Variants in CMIP observed in about 807,000 individuals in gnomAD.
CMIP encodes the protein C-Maf-inducing protein.
Under a neutral mutation model 97.3 loss-of-function variants are expected in CMIP, and 13 were observed. The ratio of observed to expected loss-of-function variants is 0.13; its 90% CI spans 0.09 to 0.21. The LOEUF (loss-of-function observed/expected upper bound fraction) is 0.21, where lower values mean the gene tolerates loss of function less well. Ranked by LOEUF, CMIP falls within the 10% of genes least tolerant of loss-of-function variation. The pLI, the probability that CMIP is intolerant of heterozygous loss-of-function variation, is 1.00. For missense variants in CMIP, 847 were observed against 1,024.9 expected, an observed-to-expected ratio of 0.83 and a Z score of 2.37; for synonymous variants, 538 against 436.3, an observed-to-expected ratio of 1.23 and a Z score of -2.91.
intron 10 of CMIP, among the ~76,000 whole-genome samples, chr16:81,679,760 TCCTTGACCCCTAAGGGTCTCTCCAG>T (rs1452879701): frequency 1.3e-5 from 2 of 152,032 alleles, no homozygotes; most frequent in African/African-American, 4.8e-5. Context: ...CAGTTCTTAA[TCCTTGACCCCTAAGGGTCTCTCCAG>T]CCTTGCCATC....
intron 1 of CMIP, among the ~76,000 whole-genome samples, chr16:81,538,130 A>C (rs950292512): frequency 2.0e-5 from 3 of 152,160 alleles, no homozygotes; most frequent in Non-Finnish European, 4.4e-5. Context: ...CCATTCTTAG[A>C]TGGGGGAACT....
intron 1 of CMIP, among the ~76,000 whole-genome samples, chr16:81,571,693 C>T (rs2091092741): frequency 6.6e-6 from 1 of 152,134 alleles, no homozygotes. Context: ...CAAGCGGTCC[C>T]TTCCTTGGTG....
chr16:81,533,150 A>T (rs559104145), intron 1 of CMIP, among the ~76,000 whole-genome samples: 18 of 152,240 alleles, frequency 1.2e-4, no homozygotes, highest in African/African-American at 4.3e-4. Context: ...TCTCCTGAGC[A>T]TATGTTATCA....
chr16:81,690,012 G>C (rs1402770623), intron 10 of CMIP, among the ~76,000 whole-genome samples: 21 of 152,144 alleles, frequency 1.4e-4, no homozygotes, highest in Non-Finnish European at 2.9e-4. Flanking sequence ...CCATTGGTCT[G>C]TATCTCTGTT....
chr16:81,693,395 G>A lies in CMIP; in HGVS notation c.1482-44G>A, dbSNP rs1284869800. The A allele has an allele frequency of 2.5e-6, 4 of 1,596,696 alleles. No individual in the cohort carries two copies. The East Asian group carries it at 9.0e-5, about 36-fold the overall frequency. On this transcript the variant is annotated intron_variant, in intron 12 of 20. Transcript: ENST00000537098. ...CTCCCCTTCCCACACCTCCCACTCA[G>A]TTCCAGACCCCGGCAGTAACTCCGG...
intron 1 of CMIP, among the ~76,000 whole-genome samples, chr16:81,537,663 C>A (rs957373435): frequency 6.6e-6 from 1 of 151,416 alleles, no homozygotes; most frequent in Non-Finnish European, 1.5e-5. Flanking sequence ...GCCAGGAGTT[C>A]GAGACCAGCC....
At chr16:81,667,871 T>G (rs1282897021) in intron 7 of CMIP, among the ~76,000 whole-genome samples, 1 of 151,392 alleles carries the variant, frequency 6.6e-6, no homozygotes, top group East Asian at 1.9e-4. Flanking sequence ...TGCATTTTTC[T>G]GAACTTGCTC....
chr16:81,662,152 C>G (rs1251128615), intron 6 of CMIP, among the ~76,000 whole-genome samples: 2 of 152,036 alleles, frequency 1.3e-5, no homozygotes, highest in Non-Finnish European at 2.9e-5. Context: ...AGCTGCTCCT[C>G]TGCCTGTCAC....
rs537617971 is a variant in CMIP, at chr16:81,613,243, C to T, written c.426+5551C>T. ...TCTCCTGCGTGCCACATCCTTCCTC[C>T]TCCTGCTTCATCAGTAGGGCAGCTA... On this transcript the variant is annotated intron_variant, in intron 2 of 20. Coordinates refer to ENST00000537098, the MANE Select transcript of CMIP (RefSeq NM_198390.3). Among the ~76,000 whole-genome samples, 2 of 152,198 alleles carry T rather than the reference C, an allele frequency of 1.3e-5. 1 individual carries two copies. Among genetic ancestry groups the T allele is most frequent in the Non-Finnish European group, 2.9e-5 (2 of 68,036 alleles).
chr16:81,560,464 C>T (rs1056892033), intron 1 of CMIP, among the ~76,000 whole-genome samples: 10 of 152,092 alleles, frequency 6.6e-5, no homozygotes, highest in South Asian at 4.1e-4. Flanking sequence ...GTGATCCGCC[C>T]GCCTCGGCCT....
intron 5 of CMIP, among the ~76,000 whole-genome samples, chr16:81,660,281 T>G (rs2092530290): frequency 6.8e-6 from 1 of 148,134 alleles, no homozygotes; most frequent in Admixed American, 6.7e-5. Context: ...TCTTTTTTCT[T>G]TTTTTTTTTT....
intron 1 of CMIP, chr16:81,495,551 C>T (rs183048278): frequency 6.7e-5 from 106 of 1,581,810 alleles, no homozygotes; most frequent in East Asian, 5.0e-4. Context: ...CCTAAAACCT[C>T]GCCTGCTGCT....
chr16:81,538,375 A>G (rs961570608), intron 1 of CMIP, among the ~76,000 whole-genome samples: 1 of 152,198 alleles, frequency 6.6e-6, no homozygotes, highest in Non-Finnish European at 1.5e-5. Context: ...ATTTCACTCT[A>G]AGGGGTTGTT....
At chr16:81,456,175 G>C (rs1906532288) in intron 1 of CMIP, among the ~76,000 whole-genome samples, 2 of 152,224 alleles carry the variant, frequency 1.3e-5, no homozygotes, top group African/African-American at 4.8e-5. Flanking sequence ...AGCTCGGGGA[G>C]TCCCAGCAGG....
chr16:81,577,323 A>G lies in CMIP; in HGVS notation c.301-30244A>G, dbSNP rs568027308. Among the ~76,000 whole-genome samples the G allele has an allele frequency of 1.8e-3, 265 of 143,880 alleles. 1 individual carries two copies. The highest frequency in any genetic ancestry group is 2.3e-3 in the Non-Finnish European group (154 of 66,728). 94.4% of individuals were successfully genotyped at this position (143,880 alleles called of 152,430 possible). On this transcript the variant is annotated intron_variant, in intron 1 of 20. Transcript: ENST00000537098. Reference sequence around the variant, plus strand: ...CCATCATCCCCATTACCACTACATTATTATCACTATCACCATCACCATCAT... The same window carrying G: ...CCATCATCCCCATTACCACTACATTGTTATCACTATCACCATCACCATCAT...
At chr16:81,661,028 A>G in intron 6 of CMIP, 82 bp downstream of exon 6, 1 of 1,563,704 alleles carries the variant, frequency 6.4e-7, no homozygotes, top group Non-Finnish European at 8.8e-7. Flanking sequence ...TTTGCACAGA[A>G]AGGCCAAAAA....
intron 10 of CMIP, among the ~76,000 whole-genome samples, chr16:81,687,231 G>A (rs978085933): frequency 7.2e-5 from 11 of 152,308 alleles, no homozygotes; most frequent in African/African-American, 2.2e-4. Context: ...CACCCAGCCC[G>A]GGGCCCAGCA....
In CMIP at chr16:81,445,560, C is replaced by T; in HGVS notation, c.300+19C>T. The T allele has an allele frequency of 2.6e-6, 4 of 1,529,316 alleles. No homozygotes were observed. The highest frequency in any genetic ancestry group is 3.5e-6 in the Non-Finnish European group (4 of 1,139,432). The allele number at this position is 1,529,316 out of a possible 1,614,324, so 94.7% of individuals were successfully genotyped here. A position where few individuals can be genotyped will look rare whatever the true frequency, so the allele number is the denominator to read the frequency against. ...CGCCACGGTGAGTGGCTCTGCGCGG[C>T]TGCACCCCCGCCTCTCCTCGGGGCC... On this transcript the variant is annotated intron_variant, in intron 1 of 20. Coordinates refer to ENST00000537098, the MANE Select transcript of CMIP (RefSeq NM_198390.3).
intron 1 of CMIP, among the ~76,000 whole-genome samples, chr16:81,528,308 G>A (rs1163055706): frequency 6.6e-6 from 1 of 152,070 alleles, no homozygotes; most frequent in Non-Finnish European, 1.5e-5. Context: ...CAATGCCAAG[G>A]CTGGCCCTTC....
Sources: gnomAD v4.1 joint callset for allele counts (sites outside exome capture counted in the v4.1 genomes callset) on GRCh38, gnomAD v4.1.1 for gene constraint, MANE v1.5 for transcripts, NCBI Gene and HGNC (gene_info 2026-07-23, HGNC 2026-07-21) for gene names.